Variants in PTK2 observed in about 807,000 individuals in gnomAD.
The protein encoded by PTK2 is focal adhesion kinase 1.
In PTK2, 45 loss-of-function variants were observed where a neutral mutation model predicts 150.1. The observed-to-expected ratio is 0.30, with a 90% CI of 0.24 to 0.38. The LOEUF (loss-of-function observed/expected upper bound fraction) is 0.38, where lower values mean the gene tolerates loss of function less well. Among genes scored for constraint, PTK2 ranks in the 10% least tolerant of loss-of-function variants. The pLI is 1.00. For synonymous variants in PTK2, 432 were observed against 449.2 expected (o/e 0.96, Z 0.48); for missense variants, 919 against 1,307.3 (o/e 0.70, Z 4.58).
At chr8:140,666,972 T>C (rs2152922202) in intron 30 of PTK2, among the ~76,000 whole-genome samples, 1 of 152,322 alleles carries the variant, frequency 6.6e-6, no homozygotes, top group South Asian at 2.1e-4. Flanking sequence ...TGCTACAACA[T>C]GGATGAACTC....
intron 2 of PTK2, among the ~76,000 whole-genome samples, chr8:140,917,826 G>C (rs1475879419): frequency 6.6e-6 from 1 of 152,182 alleles, no homozygotes; most frequent in African/African-American, 2.4e-5. Context: ...ATCACAGTAA[G>C]TGCTATACAA....
chr8:140,669,799 A>G lies in PTK2; in HGVS notation c.2710-1375T>C. The G allele has an allele frequency of 2.0e-6, 3 of 1,465,628 alleles. No individual in the cohort carries two copies. The South Asian group carries it at 3.6e-5, about 18-fold the overall frequency. The allele number at this position is 1,465,628 out of a possible 1,614,324, so 90.8% of individuals were successfully genotyped here. A position where few individuals can be genotyped will look rare whatever the true frequency, so the allele number is the denominator to read the frequency against. ...TTATCAGAGAAAGGGAAAAAAGAAA[A>G]ACAATATTAATAAAGGCATAAGACA... On this transcript the variant is annotated intron_variant, in intron 29 of 31. Coordinates refer to ENST00000522684, the Ensembl canonical transcript of PTK2.
At chr8:140,888,251 T>G (rs1480021907) in intron 3 of PTK2, among the ~76,000 whole-genome samples, 1 of 152,228 alleles carries the variant, frequency 6.6e-6, no homozygotes, top group East Asian at 1.9e-4. Flanking sequence ...TTTGTTCAGA[T>G]GTACAAATCC....
chr8:140,684,399 G>A (rs1284569841), intron 27 of PTK2, among the ~76,000 whole-genome samples: 8 of 152,222 alleles, frequency 5.3e-5, no homozygotes, highest in Non-Finnish European at 7.3e-5. Flanking sequence ...GCATTAATGC[G>A]GGCTAGCCCG....
exon 32 of PTK2, chr8:140,658,803 C>T (rs1468585644): frequency 8.9e-6 from 2 of 225,662 alleles, no homozygotes; most frequent in Non-Finnish European, 1.8e-5. Flanking sequence ...TGAAAAAAGA[C>T]ATGAGTTTTT....
chr8:140,733,023 A>G (rs1036982977), intron 22 of PTK2, among the ~76,000 whole-genome samples: 1 of 152,216 alleles, frequency 6.6e-6, no homozygotes, highest in East Asian at 1.9e-4. Context: ...ACCCAAACAT[A>G]AAAGGTGACA....
chr8:140,682,059 C>A lies in PTK2; in HGVS notation c.2562+4573G>T, dbSNP rs758312656. 9.6e-4 allele frequency among the ~76,000 whole-genome samples: 146 copies of A among 152,300 alleles called. 1 individual carries two copies. The highest frequency in any genetic ancestry group is 1.8e-3 in the Admixed American group (28 of 15,298). On this transcript the variant is annotated intron_variant, in intron 27 of 31. Transcript: ENST00000522684. ...TTCAGGCATTCTCCCCCTGCTACAT[C>A]CAGAAGAAAAAAATATTGCTTGAAC...
intron 20 of PTK2, among the ~76,000 whole-genome samples, chr8:140,742,781 C>A (rs1313457263): frequency 6.6e-6 from 1 of 152,170 alleles, no homozygotes; most frequent in Non-Finnish European, 1.5e-5. Context: ...GTGTGGCTGG[C>A]ACGAATCTTC....
chr8:140,859,722 G>A (rs977842924), intron 5 of PTK2, among the ~76,000 whole-genome samples: 3 of 152,232 alleles, frequency 2.0e-5, no homozygotes, highest in East Asian at 1.9e-4. Context: ...AAGCTGATGA[G>A]GACAATTACT....
At chr8:140,913,373 G>A (rs2100163990) in intron 2 of PTK2, among the ~76,000 whole-genome samples, 1 of 147,226 alleles carries the variant, frequency 6.8e-6, no homozygotes, top group Admixed American at 6.9e-5. Flanking sequence ...TTTGCTCATT[G>A]CAACCTCAAC....
At chr8:140,726,413 G>A (rs1346580961) in intron 22 of PTK2, among the ~76,000 whole-genome samples, 1 of 152,140 alleles carries the variant, frequency 6.6e-6, no homozygotes, top group Non-Finnish European at 1.5e-5. Flanking sequence ...AAGAGGCTCA[G>A]CAAATCCTAA....
intron 4 of PTK2, among the ~76,000 whole-genome samples, chr8:140,864,631 A>G (rs2100138220): frequency 6.6e-6 from 1 of 152,228 alleles, no homozygotes; most frequent in African/African-American, 2.4e-5. Flanking sequence ...GAGCATAGTA[A>G]GAGGCCCAGA....
chr8:140,668,084 C>T (rs142465419), intron 30 of PTK2, among the ~76,000 whole-genome samples, 185 bp downstream of exon 34: 6 of 152,238 alleles, frequency 3.9e-5, no homozygotes, highest in South Asian at 2.1e-4. Flanking sequence ...AAGATAGGAA[C>T]GGCAATTCAG....
intron 2 of PTK2, among the ~76,000 whole-genome samples, chr8:140,891,168 T>C (rs1242011687): frequency 6.7e-6 from 1 of 149,092 alleles, no homozygotes; most frequent in Non-Finnish European, 1.5e-5. Flanking sequence ...AAGAGAAAAG[T>C]TCTTTCTTCA....
intron 1 of PTK2, among the ~76,000 whole-genome samples, chr8:140,950,253 T>C (rs981986498): frequency 6.6e-6 from 1 of 152,186 alleles, no homozygotes; most frequent in Non-Finnish European, 1.5e-5. Flanking sequence ...GCTTGCCATG[T>C]TGTGAGCAAC....
chr8:140,775,912 GGTATCTTCGCCCCT>G (rs2100078135), intron 14 of PTK2, among the ~76,000 whole-genome samples: 1 of 152,002 alleles, frequency 6.6e-6, no homozygotes, highest in Admixed American at 6.5e-5. Flanking sequence ...CATTTTTAAG[GGTATCTTCGCCCCT>G]GCACCTAAAC....
At chr8:140,678,425 T>C (rs946999631) in intron 27 of PTK2, among the ~76,000 whole-genome samples, 1 of 151,710 alleles carries the variant, frequency 6.6e-6, no homozygotes, top group Non-Finnish European at 1.5e-5. Flanking sequence ...TTGTTCACTG[T>C]AGACTCGACT....
chr8:140,803,996 T>G (rs2100096808), intron 10 of PTK2, among the ~76,000 whole-genome samples: 1 of 152,156 alleles, frequency 6.6e-6, no homozygotes, highest in Admixed American at 6.5e-5. Flanking sequence ...GGGAGGAATC[T>G]TATGGAATTC....
At chr8:140,796,349 G>A (rs1169809282) in intron 12 of PTK2, among the ~76,000 whole-genome samples, 1 of 152,104 alleles carries the variant, frequency 6.6e-6, no homozygotes, top group Non-Finnish European at 1.5e-5. Context: ...ACACCAGGAA[G>A]ACCAAATTTA....
Sources: allele counts gnomAD v4.1 joint callset (sites outside exome capture counted in the v4.1 genomes callset), GRCh38; gene constraint gnomAD v4.1.1; transcripts MANE v1.5; gene names NCBI Gene and HGNC (gene_info 2026-07-23, HGNC 2026-07-21).